The following DENND5B variants were observed in gnomAD, a reference collection of about 807,000 sequenced individuals.
DENND5B encodes the protein DENN domain-containing protein 5B.
A neutral mutation model predicts 140.6 loss-of-function variants in DENND5B; 34 were observed. That is an observed-to-expected ratio of 0.24 (90% CI 0.18 to 0.32). The LOEUF (loss-of-function observed/expected upper bound fraction) is 0.32. DENND5B is among the 10% of genes least tolerant of loss of function. The pLI is 1.00. For missense variants in DENND5B, 1,142 were observed against 1,560.2 expected, an observed-to-expected ratio of 0.73 and a Z score of 4.52; for synonymous variants, 551 against 562.1, an observed-to-expected ratio of 0.98 and a Z score of 0.28.
At chr12:31,562,189 T>C (rs935398372) in intron 1 of DENND5B, among the ~76,000 whole-genome samples, 1 of 152,190 alleles carries the variant, frequency 6.6e-6, no homozygotes, top group Non-Finnish European at 1.5e-5. Flanking sequence ...ATATTAATAC[T>C]ATCTGGCCAG....
At chr12:31,408,698 A>G (rs1035909934) in intron 14 of DENND5B, among the ~76,000 whole-genome samples, 10 of 151,808 alleles carry the variant, frequency 6.6e-5, no homozygotes, top group South Asian at 2.1e-4. Context: ...GTCCAATTGC[A>G]TAAGTTTATT....
At chr12:31,590,025 T>G (rs1394534012) in intron 1 of DENND5B, 1 of 152,270 alleles carries the variant, frequency 6.6e-6, no homozygotes, top group Non-Finnish European at 1.5e-5. Context: ...TCGGGAACAG[T>G]GTAGGCAGTG....
rs80141105 is a variant in DENND5B at position 31,582,752 on chromosome 12, T to C, written c.127+7954A>G. 6.9e-3 allele frequency among the ~76,000 whole-genome samples: 1,047 copies of C among 152,288 alleles called. 14 individuals are homozygous for C. Among genetic ancestry groups the C allele is most frequent in the African/African-American group, 0.024 (1,002 of 41,552 alleles). ...TGTCGCCTTTAATATCTTTCCCATATAGAGGAATAAGAAGATAATTTCACT... is the reference window on the plus strand; with the variant it reads ...TGTCGCCTTTAATATCTTTCCCATACAGAGGAATAAGAAGATAATTTCACT... On this transcript the variant is annotated intron_variant, in intron 1 of 20. Transcript: ENST00000389082.
At chr12:31,430,672 A>G (rs1943472420) in intron 8 of DENND5B, among the ~76,000 whole-genome samples, 1 of 152,098 alleles carries the variant, frequency 6.6e-6, no homozygotes, top group Admixed American at 6.6e-5. Context: ...AAACAAACAA[A>G]AAATTAAGCA....
intron 18 of DENND5B, 53 bp downstream of exon 18, chr12:31,392,561 A>T: frequency 2.0e-6 from 3 of 1,533,256 alleles, no homozygotes; most frequent in Non-Finnish European, 2.6e-6. Flanking sequence ...TGTATCACAT[A>T]TAAAAGCATC....
At chr12:31,451,891 A>G in intron 5 of DENND5B, 49 bp downstream of exon 5, 1 of 1,584,290 alleles carries the variant, frequency 6.3e-7, no homozygotes, top group Non-Finnish European at 8.6e-7. Context: ...GTTAAAATCA[A>G]TAATAAAGCC....
intron 20 of DENND5B, 26 bp downstream of exon 20, chr12:31,389,298 G>C (rs774604276): frequency 6.3e-7 from 1 of 1,597,528 alleles, no homozygotes; most frequent in Non-Finnish European, 8.5e-7. Context: ...GACAAAGATA[G>C]GGAAAATAAA....
rs1012587198 is a variant in DENND5B, at chr12:31,555,654, G to A, written c.127+35052C>T. ...TCTGTGCCCTGCCCCCAGAGGTGGC[G>A]CCTACAGATGCAGGCAGGCCTCCTT... On this transcript the variant is annotated intron_variant, in intron 1 of 20. Transcript: ENST00000389082. Among the ~76,000 whole-genome samples, 16 of 152,216 alleles carry A rather than the reference G, an allele frequency of 1.1e-4. No homozygotes were observed. The South Asian group carries it at 2.1e-3, about 20-fold the overall frequency.
At position 31,447,675 on chromosome 12, in the gene DENND5B, AT is replaced by A; in HGVS notation, c.1723del (p.Ile575LeufsTer22). On this transcript the variant is annotated frameshift_variant, in exon 6 of 21. Coordinates refer to ENST00000389082, the MANE Select transcript of DENND5B (RefSeq NM_144973.4). LOFTEE classifies it high-confidence loss of function. ...QMFATFIDNK[I>X]MSQWEEKDPL... ...ATCTTTCTCTTCCCACTGAGACATA[AT>A]TTTATTATCAATAAAGGTGGCAAAC... The A allele has an allele frequency of 1.2e-6, 2 of 1,613,530 alleles. No homozygotes were observed. The highest frequency in any genetic ancestry group is 1.7e-6 in the Non-Finnish European group (2 of 1,179,714).
At chr12:31,550,160 C>A (rs766368465) in intron 1 of DENND5B, among the ~76,000 whole-genome samples, 22 of 150,032 alleles carry the variant, frequency 1.5e-4, no homozygotes, top group Non-Finnish European at 2.5e-4. Context: ...GTGTGCTGCA[C>A]CCATTAACTC....
chr12:31,407,772 T>C (rs1393070726), intron 14 of DENND5B, among the ~76,000 whole-genome samples: 2 of 152,156 alleles, frequency 1.3e-5, no homozygotes, highest in African/African-American at 4.8e-5. Flanking sequence ...AAAAAGACAA[T>C]GAGCCTGGGT....
chr12:31,579,776 A>C, intron 1 of DENND5B, among the ~76,000 whole-genome samples: 1 of 118,378 alleles, frequency 8.4e-6, no homozygotes, highest in Admixed American at 9.9e-5. Flanking sequence ...GGAGGAAGGA[A>C]GGAAGGAGGG....
chr12:31,572,907 G>A (rs1257393552), intron 1 of DENND5B, among the ~76,000 whole-genome samples: 1 of 152,188 alleles, frequency 6.6e-6, no homozygotes, highest in Non-Finnish European at 1.5e-5. Flanking sequence ...GGACAGGAAA[G>A]CATTAAGGAA....
chr12:31,584,043 T>A (rs1262161625), intron 1 of DENND5B, among the ~76,000 whole-genome samples: 1 of 152,212 alleles, frequency 6.6e-6, no homozygotes, highest in Non-Finnish European at 1.5e-5. Flanking sequence ...TATGAAGCTT[T>A]ATGGAAATCA....
chr12:31,399,244 T>A (rs1941663448), intron 16 of DENND5B, among the ~76,000 whole-genome samples: 5 of 145,312 alleles, frequency 3.4e-5, no homozygotes, highest in South Asian at 4.3e-4. Context: ...AACCCTAAAA[T>A]TCAGAAGGCA....
Position 31,480,145 on chromosome 12 carries a change from A to G in DENND5B, c.348T>C (p.Val116=). 6.2e-7 allele frequency: 1 copy of G among 1,610,510 alleles called. No homozygotes were observed. The highest frequency in any genetic ancestry group is 8.5e-7 in the Non-Finnish European group (1 of 1,178,138). The change falls in exon 3 of 21, where the codon GTT becomes GTC. Residue 116 remains valine, a synonymous_variant. Transcript: ENST00000389082. ...REDGSRTYGF[V]LTFYEEVTSK... Reference sequence around the variant, plus strand: ...TTGTAACTTCTTCATAAAAAGTGAGAACAAAACCATAGGTGCGAGAACCAT... The same window carrying G: ...TTGTAACTTCTTCATAAAAAGTGAGGACAAAACCATAGGTGCGAGAACCAT...
At position 31,398,332 on chromosome 12, in the gene DENND5B, G is replaced by T. The variant is rs765567611; in HGVS notation, c.3099C>A (p.Gly1033=). Residue 1033 remains glycine, a synonymous_variant, in exon 17 of 21, where the codon GGC becomes GGA. Transcript: ENST00000389082. ...RFPCGRWLGK[G]IDDGSLERIL... is the part of the protein sequence containing the mutation. ...TTCTCTCCAGGCTCCCATCATCAAT[G>T]CCTTTCCCCAGCCACCGCCCACATG... The T allele has an allele frequency of 6.4e-6, 10 of 1,550,762 alleles. No individual in the cohort carries two copies. In the African/African-American group the frequency reaches 1.4e-4, roughly 21 times the overall value.
intron 1 of DENND5B, among the ~76,000 whole-genome samples, chr12:31,559,168 G>C (rs556821682): frequency 1.3e-5 from 2 of 152,074 alleles, no homozygotes; most frequent in East Asian, 3.9e-4. Flanking sequence ...GTCAGTCTTC[G>C]GTCTATTTTA....
At chr12:31,404,518 T>C (rs955256262) in intron 14 of DENND5B, among the ~76,000 whole-genome samples, 4 of 152,030 alleles carry the variant, frequency 2.6e-5, no homozygotes, top group Non-Finnish European at 4.4e-5. Flanking sequence ...TAGTGGCACA[T>C]TCTTGGCTCA....
Sources: allele counts gnomAD v4.1 joint callset (sites outside exome capture counted in the v4.1 genomes callset), GRCh38; gene constraint gnomAD v4.1.1; transcripts MANE v1.5; gene names NCBI Gene and HGNC (gene_info 2026-07-23, HGNC 2026-07-21).